The following BCL11A variants were observed in gnomAD, a reference collection of about 807,000 sequenced individuals.
The protein encoded by BCL11A is BCL11 transcription factor A, also known as B cell CLL/lymphoma 11A.
In BCL11A, 2 loss-of-function variants were observed where a neutral mutation model predicts 55.9. That is an observed-to-expected ratio of 0.04 (90% CI 0.01 to 0.11). The LOEUF is 0.11. Ranked by LOEUF, BCL11A falls within the 10% of genes least tolerant of loss-of-function variation. The probability of loss-of-function intolerance (pLI) is 1.00; values close to 1 mark genes in which losing one functional copy is unlikely to be tolerated. For synonymous variants in BCL11A, 465 were observed against 473.4 expected (o/e 0.98, Z 0.23); for missense variants, 817 against 1,137.1 (o/e 0.72, Z 4.05).
At chr2:60,545,800 G>A in intron 2 of BCL11A, 171 bp downstream of exon 2, 1 of 629,528 alleles carries the variant, frequency 1.6e-6, no homozygotes, top group Non-Finnish European at 2.8e-6. Context: ...TTATTTTTCT[G>A]TGTTCTGGAC....
rs767054274 is a variant in BCL11A, at chr2:60,460,387, G to A, written c.*17C>T. 2.5e-6 allele frequency: 4 copies of A among 1,569,642 alleles called. No homozygotes were observed. Among genetic ancestry groups the A allele is most frequent in the South Asian group, 1.2e-5 (1 of 84,964 alleles). ...GGGGGTGTCAGGTGGGAGTGAGGGA[G>A]GGGTATTAATATACCTCTATTCAGT... On this transcript the variant is annotated 3_prime_UTR_variant, in exon 4 of 4. Transcript: ENST00000642384.
intron 2 of BCL11A, among the ~76,000 whole-genome samples, chr2:60,485,316 G>A (rs1678209765): frequency 6.6e-6 from 1 of 152,202 alleles, no homozygotes; most frequent in South Asian, 2.1e-4. Flanking sequence ...GTGGAGCAAG[G>A]CCACTCCAGC....
intron 2 of BCL11A, among the ~76,000 whole-genome samples, chr2:60,481,014 G>C (rs955390195): frequency 6.6e-6 from 1 of 152,186 alleles, no homozygotes; most frequent in Non-Finnish European, 1.5e-5. Context: ...ATTACAGGCT[G>C]GCTGGAAGCC....
chr2:60,483,176 G>C (rs1005562495), intron 2 of BCL11A, among the ~76,000 whole-genome samples: 10 of 152,178 alleles, frequency 6.6e-5, no homozygotes, highest in African/African-American at 2.4e-4. Flanking sequence ...GAGAAGTGTT[G>C]CTCCTTAATG....
In BCL11A at chr2:60,475,375, T is replaced by C. The variant is rs1027470376; in HGVS notation, c.386-6542A>G. Among the ~76,000 whole-genome samples the C allele has an allele frequency of 5.9e-5, 9 of 152,324 alleles. No homozygotes were observed. In the East Asian group the frequency reaches 1.7e-3, roughly 29 times the overall value. ...CCACCTCAATTGTTTCTTCCCCCAA[T>C]GAATGTGGGTGGCCCGCTAAGGCAA... On this transcript the variant is annotated intron_variant, in intron 2 of 3. Coordinates refer to ENST00000642384, the MANE Select transcript of BCL11A (RefSeq NM_022893.4).
At chr2:60,514,170 GA>G (rs1434737121) in intron 2 of BCL11A, among the ~76,000 whole-genome samples, 8 of 152,132 alleles carry the variant, frequency 5.3e-5, no homozygotes, top group Non-Finnish European at 1.2e-4. Flanking sequence ...GGAGCTCTGA[GA>G]GGCTTCCAGG....
At chr2:60,464,000 A>C (rs539411939) in intron 3 of BCL11A, among the ~76,000 whole-genome samples, 4 of 152,266 alleles carry the variant, frequency 2.6e-5, no homozygotes, top group South Asian at 4.1e-4. Context: ...TCCATTTAGC[A>C]AGTCAGAAAG....
At chr2:60,549,242 T>C (rs1184227238) in intron 1 of BCL11A, among the ~76,000 whole-genome samples, 3 of 152,078 alleles carry the variant, frequency 2.0e-5, no homozygotes, top group African/African-American at 7.2e-5. Context: ...CTCTGTGTAG[T>C]TGCAAAAGAA....
At chr2:60,532,607 A>C (rs569125444) in intron 2 of BCL11A, among the ~76,000 whole-genome samples, 40 of 152,312 alleles carry the variant, frequency 2.6e-4, no homozygotes, top group Admixed American at 5.2e-4. Context: ...ATTCCTTGGC[A>C]TAAGGATATG....
chr2:60,515,955 G>C (rs1403141576), intron 2 of BCL11A, among the ~76,000 whole-genome samples: 2 of 152,166 alleles, frequency 1.3e-5, no homozygotes, highest in Non-Finnish European at 2.9e-5. Context: ...GGCACCGCTG[G>C]GCCAACACCC....
At chr2:60,519,167 G>A (rs1410779941) in intron 2 of BCL11A, among the ~76,000 whole-genome samples, 2 of 152,070 alleles carry the variant, frequency 1.3e-5, no homozygotes, top group Non-Finnish European at 2.9e-5. Context: ...AAATACAGGC[G>A]CTACAAAAAA....
At chr2:60,511,151 T>C (rs1679964273) in intron 2 of BCL11A, among the ~76,000 whole-genome samples, 1 of 152,180 alleles carries the variant, frequency 6.6e-6, no homozygotes, top group Non-Finnish European at 1.5e-5. Context: ...CTCCACGGCA[T>C]TACTCTCCCT....
chr2:60,542,047 A>AT, intron 2 of BCL11A: 1 of 593,396 alleles, frequency 1.7e-6, no homozygotes, highest in Non-Finnish European at 3.0e-6. Flanking sequence ...TTGAATTACT[A>AT]TATCTCCCTT....
At position 60,459,809 on chromosome 2, in the gene BCL11A, AG is replaced by A. The variant is rs1299678469; in HGVS notation, c.*594del. 1.9e-6 allele frequency: 2 copies of A among 1,043,552 alleles called. No homozygotes were observed. Among genetic ancestry groups the A allele is most frequent in the Non-Finnish European group, 2.3e-6 (2 of 865,464 alleles). 64.6% of individuals were successfully genotyped at this position (1,043,552 alleles called of 1,614,324 possible). A position where few individuals can be genotyped will look rare whatever the true frequency, so the allele number is the denominator to read the frequency against. On this transcript the variant is annotated 3_prime_UTR_variant, in exon 4 of 4. Coordinates refer to ENST00000642384, the MANE Select transcript of BCL11A (RefSeq NM_022893.4). The stretch of plus-strand genomic sequence containing the variant: ...TTAGAGACAGACATTTAGCTCATAG[AG>A]ATTTTTTTTCAGTGCTATCTATTCT...
intron 2 of BCL11A, among the ~76,000 whole-genome samples, chr2:60,500,811 T>C (rs1325478662): frequency 6.6e-6 from 1 of 152,180 alleles, no homozygotes; most frequent in African/African-American, 2.4e-5. Context: ...CTACCACCAA[T>C]TTCCTGGCTG....
intron 2 of BCL11A, among the ~76,000 whole-genome samples, chr2:60,472,827 T>A (rs1457052503): frequency 6.6e-6 from 1 of 152,248 alleles, no homozygotes; most frequent in Non-Finnish European, 1.5e-5. Flanking sequence ...AATCAACAGG[T>A]AATACTGCAG....
At chr2:60,497,514 G>C (rs1382201174) in intron 2 of BCL11A, among the ~76,000 whole-genome samples, 2 of 152,136 alleles carry the variant, frequency 1.3e-5, no homozygotes, top group Non-Finnish European at 2.9e-5. Flanking sequence ...CAGGTAGACA[G>C]ATTCATGGCC....
At position 60,457,940 on chromosome 2, in the gene BCL11A, T is replaced by C; in HGVS notation, c.*2464A>G. The C allele has an allele frequency of 9.6e-7, 1 of 1,045,090 alleles. No individual in the cohort carries two copies. The highest frequency in any genetic ancestry group is 5.6e-5 in the East Asian group (1 of 17,714). The allele number at this position is 1,045,090 out of a possible 1,614,324, so 64.7% of individuals were successfully genotyped here. On this transcript the variant is annotated 3_prime_UTR_variant, in exon 4 of 4. Coordinates refer to ENST00000642384, the MANE Select transcript of BCL11A (RefSeq NM_022893.4). ...GCTTCTCATCTGTAATGTCACACTT[T>C]TTTGTTTCTCTCTTTTTTTTTTTTT...
intron 2 of BCL11A, among the ~76,000 whole-genome samples, chr2:60,516,544 C>T (rs140340477): frequency 5.3e-5 from 8 of 152,280 alleles, no homozygotes; most frequent in African/African-American, 1.7e-4. Flanking sequence ...CGTAACTCAC[C>T]GTCATCCGGG....
Sources: allele counts gnomAD v4.1 joint callset (sites outside exome capture counted in the v4.1 genomes callset), GRCh38; gene constraint gnomAD v4.1.1; transcripts MANE v1.5; gene names NCBI Gene and HGNC (gene_info 2026-07-23, HGNC 2026-07-21).